TFAP2A: variants seen among roughly 807,000 people sequenced by gnomAD.
The protein encoded by TFAP2A is transcription factor AP-2-alpha.
TFAP2A carries 7 observed loss-of-function variants against 41.5 expected under a neutral mutation model. The observed-to-expected ratio is 0.17, with a 90% CI of 0.10 to 0.32. The LOEUF (loss-of-function observed/expected upper bound fraction) is 0.32, where lower values mean the gene tolerates loss of function less well. Ranked by LOEUF, TFAP2A falls within the 10% of genes least tolerant of loss-of-function variation. TFAP2A has a pLI of 1.00. For missense variants in TFAP2A, 416 were observed against 563.3 expected (o/e 0.74, Z 2.65); for synonymous variants, 247 against 242.8 (o/e 1.02, Z -0.16).
upstream of TFAP2A, chr6:10,417,261 T>C (rs1431049122): frequency 1.3e-5 from 2 of 152,444 alleles, no homozygotes; most frequent in African/African-American, 4.8e-5. Flanking sequence ...TCAACCCCCG[T>C]TTCCACCTCC....
rs369679945 is a variant in TFAP2A, at chr6:10,414,921, C to T, written c.51+20G>A. 1 of 1,613,892 alleles carries T rather than the reference C, an allele frequency of 6.2e-7. No individual in the cohort carries two copies. Among genetic ancestry groups the T allele is most frequent in the Non-Finnish European group, 8.5e-7 (1 of 1,179,930 alleles). On this transcript the variant is annotated intron_variant, in intron 1 of 6. Coordinates refer to ENST00000379613, the MANE Select transcript of TFAP2A (RefSeq NM_001372066.1). ...CGGAGCCTGTGACCGCACGGATGAT[C>T]GAGCCGGCGTCGCGCTTACCTCGCA...
intron 2 of TFAP2A, among the ~76,000 whole-genome samples, chr6:10,408,351 G>A (rs1169716435): frequency 6.6e-6 from 1 of 152,212 alleles, no homozygotes; most frequent in Non-Finnish European, 1.5e-5. Flanking sequence ...GCCACAAAGA[G>A]TGAGTATACA....
At chr6:10,404,867 C>T in intron 3 of TFAP2A, 128 bp from the exon 4 acceptor site, 4 of 813,344 alleles carry the variant, frequency 4.9e-6, no homozygotes, top group South Asian at 1.7e-5. Flanking sequence ...CTTTTCCGTC[C>T]GGCTCTGAAA....
intron 6 of TFAP2A, among the ~76,000 whole-genome samples, chr6:10,399,129 G>T (rs1346334518): frequency 6.6e-6 from 1 of 152,174 alleles, no homozygotes; most frequent in African/African-American, 2.4e-5. Context: ...ATGTCATAAA[G>T]ACCCTCTTCC....
chr6:10,404,477 G>GCGGGGCGGGCGGGGCCGTGC, intron 4 of TFAP2A, 31 bp downstream of exon 4: 1 of 1,459,828 alleles, frequency 6.9e-7, no homozygotes, highest in Non-Finnish European at 9.1e-7. Context: ...CGGCCGCGGG[G>GCGGGGCGGGCGGGGCCGTGC]CGGGGCGGGC....
chr6:10,402,635 A>G, intron 4 of TFAP2A, 25 bp from the exon 5 acceptor site: 1 of 1,538,624 alleles, frequency 6.5e-7, no homozygotes, highest in East Asian at 2.2e-5. Flanking sequence ...TATGCGAGAA[A>G]GGGATTTAGA....
At chr6:10,400,697 G>A in intron 5 of TFAP2A, 108 bp from the exon 6 acceptor site, 1 of 1,301,562 alleles carries the variant, frequency 7.7e-7, no homozygotes. Context: ...GATGTTGCAG[G>A]AAACACAAAC....
chr6:10,408,979 C>G (rs973694526), intron 2 of TFAP2A: 1 of 152,152 alleles, frequency 6.6e-6, no homozygotes, highest in Non-Finnish European at 1.5e-5. Context: ...TTAACAGAAG[C>G]CTTTACAGCT....
At chr6:10,411,404 G>T (rs1449427434) in intron 1 of TFAP2A, among the ~76,000 whole-genome samples, 1 of 151,930 alleles carries the variant, frequency 6.6e-6, no homozygotes, top group African/African-American at 2.4e-5. Context: ...TTTAGGGATG[G>T]AAAAGAGCGA....
At chr6:10,405,615 T>C (rs1757678120) in intron 3 of TFAP2A, 1 of 152,062 alleles carries the variant, frequency 6.6e-6, no homozygotes, top group Non-Finnish European at 1.5e-5. Context: ...CTGCAGAAAG[T>C]ATACTAATGC....
At position 10,415,049 on chromosome 6, in the gene TFAP2A, T is replaced by C; in HGVS notation, c.-58A>G. 1.2e-6 allele frequency: 2 copies of C among 1,613,690 alleles called. No homozygotes were observed. The highest frequency in any genetic ancestry group is 1.7e-6 in the Non-Finnish European group (2 of 1,179,912). ...CTCGCACCCAAGTGGAGCTACTCTC[T>C]GGGTGAGCGCAAAGTGCTGGCTGCC... On this transcript the variant is annotated 5_prime_UTR_variant, in exon 1 of 7. Coordinates refer to ENST00000379613, the MANE Select transcript of TFAP2A (RefSeq NM_001372066.1).
chr6:10,404,698 C>T lies in TFAP2A; in HGVS notation c.580G>A (p.Ala194Thr). The change falls in exon 4 of 7, where the codon GCC becomes ACC. Residue 194 changes from alanine (A) to threonine (T), a missense_variant. By Grantham distance (58) the Ala-to-Thr change is moderately conservative. Coordinates refer to ENST00000379613, the MANE Select transcript of TFAP2A (RefSeq NM_001372066.1). ...LSKSNSNAVSAIPINKDNLFG... is the reference protein window; with the variant it reads ...LSKSNSNAVSTIPINKDNLFG... ...AGGTTGTCCTTGTTAATAGGGATGGCGGAGACGGCATTGCTGTTGGACTTG... is the reference window on the plus strand; with the variant it reads ...AGGTTGTCCTTGTTAATAGGGATGGTGGAGACGGCATTGCTGTTGGACTTG... 2 of 1,614,152 alleles carry T rather than the reference C, an allele frequency of 1.2e-6. No individual in the cohort carries two copies. Among genetic ancestry groups the T allele is most frequent in the Non-Finnish European group, 1.7e-6 (2 of 1,180,010 alleles).
At chr6:10,402,664 C>A (rs1762053748) in intron 4 of TFAP2A, 54 bp from the exon 5 acceptor site, 3 of 1,299,848 alleles carry the variant, frequency 2.3e-6, no homozygotes, top group Non-Finnish European at 3.3e-6. Context: ...GGTTGCTCTG[C>A]ACCACATTAA....
chr6:10,396,772 T>C lies in TFAP2A; in HGVS notation c.*1645A>G, dbSNP rs2113991509. 1.3e-5 allele frequency: 2 copies of C among 152,760 alleles called. No individual in the cohort carries two copies. The highest frequency in any genetic ancestry group is 3.9e-4 in the East Asian group (2 of 5,192). The allele number at this position is 152,760 out of a possible 1,614,324, so 9.5% of individuals were successfully genotyped here. ...GTCATTCCTTTAGCAGTACAAACAA[T>C]CTTTTATCCAAAAGAATACATTGGG... On this transcript the variant is annotated 3_prime_UTR_variant, in exon 7 of 7. Coordinates refer to ENST00000379613, the MANE Select transcript of TFAP2A (RefSeq NM_001372066.1).
rs764184708 is a variant in TFAP2A at position 10,410,161 on chromosome 6, A to T, written c.226T>A (p.Ser76Thr). The change falls in exon 2 of 7, where the codon TCC becomes ACC. Residue 76 changes from serine (S) to threonine (T), a missense_variant. Transcript: ENST00000379613. ...AGGCTGTAGGGGTCGTTGACGTGGG[A>T]GTAAGGATCTTGCGACTGGGGGTAG... is the stretch of plus-strand genomic sequence containing the variant. ...PIYPQSQDPY[S>T]HVNDPYSLNP... 1 of 1,401,132 alleles carries T rather than the reference A, an allele frequency of 7.1e-7. No individual in the cohort carries two copies. The highest frequency in any genetic ancestry group is 9.5e-7 in the Non-Finnish European group (1 of 1,051,678). 86.8% of individuals were successfully genotyped at this position (1,401,132 alleles called of 1,614,324 possible). A position where few individuals can be genotyped will look rare whatever the true frequency, so the allele number is the denominator to read the frequency against.
In TFAP2A at chr6:10,402,586, T is replaced by C; in HGVS notation, c.795A>G (p.Arg265=). The C allele has an allele frequency of 6.2e-7, 1 of 1,614,006 alleles. No homozygotes were observed. The highest frequency in any genetic ancestry group is 1.3e-5 in the African/African-American group (1 of 75,060). ...LRRAKSKNGG[R]SLREKLDKIG... is the part of the protein sequence containing the mutation. ...TTTTGTCCAGTTTTTCTCTTAAAGA[T>C]CTTCCTCCATTTTTAGACTTCGCCC... Residue 265 remains arginine, a synonymous_variant, in exon 5 of 7, where the codon AGA becomes AGG. Transcript: ENST00000379613.
Position 10,398,301 on chromosome 6 carries a change from CAGCAGCAGCAGT to C in TFAP2A, c.*104_*115del, listed in dbSNP as rs1189972431. 9.4e-6 allele frequency: 15 copies of C among 1,592,050 alleles called. No homozygotes were observed. Among genetic ancestry groups the C allele is most frequent in the South Asian group, 5.6e-5 (5 of 89,496 alleles). Reference sequence around the variant, plus strand: ...GCAGCGGCGGCGGCGGCGGCGGCAGCAGCAGCAGCAGTAGCAGCAGCAGGAAGGGTTGCTGAT... The same window carrying C: ...GCAGCGGCGGCGGCGGCGGCGGCAGCAGCAGCAGCAGGAAGGGTTGCTGAT... On this transcript the variant is annotated 3_prime_UTR_variant, in exon 7 of 7. Coordinates refer to ENST00000379613, the MANE Select transcript of TFAP2A (RefSeq NM_001372066.1). This position sits in a 1 kb window ranked among gnomAD's most constrained non-coding sequence, Gnocchi z 5.3.
chr6:10,409,691 G>T lies in TFAP2A; in HGVS notation c.486+210C>A, dbSNP rs2113201602. On this transcript the variant is annotated intron_variant, in intron 2 of 6. Transcript: ENST00000379613. ...GGTAATGCAGGCATTGTTTGAGGGAGCTCCAGAAACCATTGTTCTGGGGTA... is the reference window on the plus strand; with the variant it reads ...GGTAATGCAGGCATTGTTTGAGGGATCTCCAGAAACCATTGTTCTGGGGTA... 6 of 599,850 alleles carry T rather than the reference G, an allele frequency of 1.0e-5. No individual in the cohort carries two copies. In the East Asian group the frequency reaches 1.7e-4, roughly 17 times the overall value. 37.2% of individuals were successfully genotyped at this position (599,850 alleles called of 1,614,324 possible).
At chr6:10,409,671 T>C (rs1346767787) in intron 2 of TFAP2A, 1 of 572,878 alleles carries the variant, frequency 1.7e-6, no homozygotes, top group South Asian at 2.1e-5. Context: ...GAAATGGTAA[T>C]GCAGGCATTG....
Sources: gnomAD v4.1 joint callset for allele counts (sites outside exome capture counted in the v4.1 genomes callset) on GRCh38, gnomAD v4.1.1 for gene constraint, Gnocchi (gnomAD v3.1) non-coding constraint, MANE v1.5 for transcripts, NCBI Gene and HGNC (gene_info 2026-07-23, HGNC 2026-07-21) for gene names.